Variants in SENP7 observed in about 807,000 individuals in gnomAD.
SENP7 encodes the protein SUMO specific peptidase 7.
A neutral mutation model predicts 141.2 loss-of-function variants in SENP7; 64 were observed. The ratio of observed to expected loss-of-function variants is 0.45; its 90% CI spans 0.37 to 0.56. The LOEUF (loss-of-function observed/expected upper bound fraction) is 0.56, where lower values mean the gene tolerates loss of function less well. SENP7 is among the 20% of genes least tolerant of loss of function. The probability of loss-of-function intolerance (pLI) is 0.00; values close to 1 mark genes in which losing one functional copy is unlikely to be tolerated. For missense variants in SENP7, 1,025 were observed against 1,212.2 expected, an observed-to-expected ratio of 0.85 and a Z score of 2.29; for synonymous variants, 382 against 426.4, an observed-to-expected ratio of 0.90 and a Z score of 1.28.
chr3:101,367,668 C>A (rs1046800900), intron 8 of SENP7, among the ~76,000 whole-genome samples, 162 bp downstream of exon 8: 1 of 152,064 alleles, frequency 6.6e-6, no homozygotes, highest in Non-Finnish European at 1.5e-5. Context: ...AGAAAAGTTA[C>A]ATTTAGAATT....
At chr3:101,355,584 A>G (rs188692509) in intron 11 of SENP7, among the ~76,000 whole-genome samples, 1 of 152,242 alleles carries the variant, frequency 6.6e-6, no homozygotes, top group African/African-American at 2.4e-5. Context: ...CTGTTTTTGT[A>G]CCAGTACCAT....
chr3:101,372,111 A>T lies in SENP7; in HGVS notation c.693T>A (p.Ser231Arg). The change falls in exon 7 of 24, where the codon AGT (serine) becomes AGA (arginine). Residue 231 changes from serine to arginine, a missense_variant. By Grantham distance (110) the Ser-to-Arg change is moderately radical. Coordinates refer to ENST00000394095, the MANE Select transcript of SENP7 (RefSeq NM_020654.5). ...TTGCAGAATTGTCATCTACTGTCTT[A>T]CTTCGTTGTGAGCCCCTGCAAAAGA... ...CYLSERGSQR[S>R]KTVDDNSAKQ... is the part of the protein sequence containing the mutation. 3.9e-6 allele frequency: 6 copies of T among 1,550,006 alleles called. No homozygotes were observed. Among genetic ancestry groups the T allele is most frequent in the Non-Finnish European group, 5.3e-6 (6 of 1,139,940 alleles).
intron 6 of SENP7, among the ~76,000 whole-genome samples, chr3:101,384,843 C>A (rs1323953714): frequency 6.6e-6 from 1 of 152,194 alleles, no homozygotes; most frequent in Non-Finnish European, 1.5e-5. Flanking sequence ...CGATTGTAAG[C>A]TTCCTGAGGT....
chr3:101,341,346 T>C (rs1209648375), intron 15 of SENP7, among the ~76,000 whole-genome samples: 5 of 152,218 alleles, frequency 3.3e-5, no homozygotes, highest in Non-Finnish European at 7.3e-5. Context: ...ATAAGGAATG[T>C]AGAATTTTTA....
At chr3:101,494,156 A>C (rs2065074369) in intron 2 of SENP7, among the ~76,000 whole-genome samples, 188 bp from the exon 3 acceptor site, 1 of 152,184 alleles carries the variant, frequency 6.6e-6, no homozygotes, top group African/African-American at 2.4e-5. Flanking sequence ...TTGACTCTGA[A>C]AGTCAAATGA....
rs768141771 is a variant in SENP7, at chr3:101,368,014, T to TA, written c.797-4dup. 2.5e-6 allele frequency: 4 copies of TA among 1,593,884 alleles called. No individual in the cohort carries two copies. In the East Asian group the frequency reaches 9.1e-5, roughly 36 times the overall value. ...ACCTCTACTTCCACTGTTAAGGTCT[T>TA]AAAAAACAAATGAAGCATAAATATG... On this transcript the variant is annotated splice_region_variant and splice_polypyrimidine_tract_variant and intron_variant, in intron 7 of 23. Coordinates refer to ENST00000394095, the MANE Select transcript of SENP7 (RefSeq NM_020654.5).
chr3:101,332,858 C>T lies in SENP7; in HGVS notation c.2485G>A (p.Ala829Thr). Residue 829 changes from alanine (A) to threonine (T), a missense_variant, in exon 18 of 24, where the codon GCA becomes ACA. This residue lies in a region of SENP7 where 295 missense variants were observed against 459.1 expected (regional missense o/e 0.64). Transcript: ENST00000394095. ...CTTACTCTTTTATGTCTTCTCTGTG[C>T]CATTCTGAGAGTATGAAAGACAGAT... is the stretch of plus-strand genomic sequence containing the variant. ...LTEDNPNLSM[A>T]QRRHKRVRTW... 1 of 1,575,930 alleles carries T rather than the reference C, an allele frequency of 6.3e-7. No individual in the cohort carries two copies. Among genetic ancestry groups the T allele is most frequent in the Non-Finnish European group, 8.6e-7 (1 of 1,166,230 alleles).
chr3:101,389,357 A>C (rs2060747247), intron 6 of SENP7, among the ~76,000 whole-genome samples: 1 of 152,156 alleles, frequency 6.6e-6, no homozygotes, highest in South Asian at 2.1e-4. Flanking sequence ...CATCATGGTC[A>C]AACTACCAAG....
intron 7 of SENP7, 151 bp from the exon 8 acceptor site, chr3:101,368,162 G>C: frequency 1.7e-6 from 1 of 588,794 alleles, no homozygotes; most frequent in East Asian, 2.9e-5. Flanking sequence ...ACTGACACTG[G>C]ATGAAGGTAA....
At chr3:101,364,605 T>C (rs1249958518) in intron 10 of SENP7, among the ~76,000 whole-genome samples, 1 of 152,210 alleles carries the variant, frequency 6.6e-6, no homozygotes, top group Non-Finnish European at 1.5e-5. Context: ...AGTAATAGAC[T>C]ATTCAGACTG....
At chr3:101,502,596 G>A (rs2065431548) in intron 1 of SENP7, among the ~76,000 whole-genome samples, 1 of 149,598 alleles carries the variant, frequency 6.7e-6, no homozygotes, top group African/African-American at 2.5e-5. Flanking sequence ...GCGCCTGGCT[G>A]GATTTGCTTT....
At chr3:101,457,876 T>G (rs1358356345) in intron 4 of SENP7, 1 of 470,142 alleles carries the variant, frequency 2.1e-6, no homozygotes, top group Non-Finnish European at 3.8e-6. Context: ...GCATGCAAAG[T>G]CTTCAGGATA....
chr3:101,458,087 T>C (rs1007069090), intron 4 of SENP7, among the ~76,000 whole-genome samples: 6 of 152,200 alleles, frequency 3.9e-5, no homozygotes, highest in Admixed American at 1.3e-4. Context: ...AGCATCATCA[T>C]TGCATCAATA....
intron 18 of SENP7, among the ~76,000 whole-genome samples, chr3:101,332,423 G>A (rs2059081671): frequency 6.6e-6 from 1 of 151,900 alleles, no homozygotes; most frequent in African/African-American, 2.4e-5. Flanking sequence ...GGTGCTTGAA[G>A]AGTTTGTTTT....
intron 10 of SENP7, among the ~76,000 whole-genome samples, chr3:101,362,646 A>G (rs542274695): frequency 6.6e-6 from 1 of 152,004 alleles, no homozygotes; most frequent in African/African-American, 2.4e-5. Context: ...TCCAATGTCT[A>G]TTGTTCCCAT....
At position 101,506,994 on chromosome 3, in the gene SENP7, A is replaced by G. The variant is rs553274715; in HGVS notation, c.41-5875T>C. Among the ~76,000 whole-genome samples, 32 of 151,850 alleles carry G rather than the reference A, an allele frequency of 2.1e-4. No individual in the cohort carries two copies. The South Asian group carries it at 6.7e-3, about 32-fold the overall frequency. On this transcript the variant is annotated intron_variant, in intron 1 of 23. Transcript: ENST00000394095. ...GAGGATAGCCTGAGCCCAGGAGTTC[A>G]AGGCTGCATTGAGCTATGATCGTGC...
At chr3:101,431,298 T>C (rs561916828) in intron 4 of SENP7, among the ~76,000 whole-genome samples, 7 of 152,078 alleles carry the variant, frequency 4.6e-5, no homozygotes, top group Non-Finnish European at 8.8e-5. Flanking sequence ...TCTCCCACTA[T>C]TATTGTTTGG....
chr3:101,326,804 G>T (rs1382267952), intron 23 of SENP7, among the ~76,000 whole-genome samples: 1 of 151,980 alleles, frequency 6.6e-6, no homozygotes, highest in Non-Finnish European at 1.5e-5. Context: ...CAATCTTGCT[G>T]GGACTCCAGT....
chr3:101,503,655 A>G (rs949377571), intron 1 of SENP7, among the ~76,000 whole-genome samples: 1 of 152,214 alleles, frequency 6.6e-6, no homozygotes, highest in Non-Finnish European at 1.5e-5. Flanking sequence ...TAGTTAAAAC[A>G]GTGATGGGGG....
Sources: allele counts gnomAD v4.1 joint callset (sites outside exome capture counted in the v4.1 genomes callset), GRCh38; gene constraint gnomAD v4.1.1; regional missense constraint gnomAD v4.1.1; transcripts MANE v1.5; gene names NCBI Gene and HGNC (gene_info 2026-07-23, HGNC 2026-07-21).